The following C8orf34 variants were observed in gnomAD, a reference collection of about 807,000 sequenced individuals.
The protein encoded by C8orf34 is uncharacterized protein C8orf34.
Under a neutral mutation model 68.3 loss-of-function variants are expected in C8orf34, and 65 were observed. That is an observed-to-expected ratio of 0.95 (90% CI 0.78 to 1.17). The LOEUF (loss-of-function observed/expected upper bound fraction) is 1.17, where lower values mean the gene tolerates loss of function less well. Among genes scored for constraint, C8orf34 ranks in the 50% most tolerant of loss-of-function variants. C8orf34 has a pLI of 0.00. For missense variants in C8orf34, 664 were observed against 655.4 expected (o/e 1.01, Z -0.14); for synonymous variants, 244 against 241.2 (o/e 1.01, Z -0.11).
rs111333787 is a variant in C8orf34 at position 68,380,044 on chromosome 8, T to C, written c.327+48705T>C. On this transcript the variant is annotated intron_variant, in intron 1 of 13. Transcript: ENST00000518698. ...CTAATTTTATTTTTTAATTTTTTTG[T>C]AGAGATAGGATCTCCCCGTGTTGCC... 2.5e-3 allele frequency among the ~76,000 whole-genome samples: 375 copies of C among 152,268 alleles called. 1 individual carries two copies. Among genetic ancestry groups the C allele is most frequent in the African/African-American group, 8.6e-3 (358 of 41,548 alleles).
intron 12 of C8orf34, among the ~76,000 whole-genome samples, chr8:68,812,220 T>C (rs552910400): frequency 5.3e-5 from 8 of 152,342 alleles, no homozygotes; most frequent in African/African-American, 1.7e-4. Context: ...AAGGGAGCCA[T>C]ATATGATAAA....
intron 3 of C8orf34, among the ~76,000 whole-genome samples, chr8:68,454,852 C>T (rs1367220686): frequency 6.6e-6 from 1 of 151,810 alleles, no homozygotes; most frequent in Non-Finnish European, 1.5e-5. Flanking sequence ...ATTGATTTGA[C>T]ATCTTTCTTC....
chr8:68,465,948 TAATAAAATAA>T (rs61338754), intron 3 of C8orf34, among the ~76,000 whole-genome samples: 1,724 of 148,372 alleles, frequency 0.012, 32 homozygotes, highest in African/African-American at 0.039. Context: ...ACTTAAAGTA[TAATAAAATAA>T]AATAAAATAA....
intron 8 of C8orf34, among the ~76,000 whole-genome samples, chr8:68,673,939 G>A (rs1820099392): frequency 6.6e-6 from 1 of 152,158 alleles, no homozygotes; most frequent in South Asian, 2.1e-4. Context: ...CACACAGCAA[G>A]CGACTTTGTT....
rs541232180 is a variant in C8orf34 at position 68,382,739 on chromosome 8, C to T, written c.327+51400C>T. On this transcript the variant is annotated intron_variant, in intron 1 of 13. Coordinates refer to ENST00000518698, the MANE Select transcript of C8orf34 (RefSeq NM_052958.4). Reference sequence around the variant, plus strand: ...ACCTGCTCTTTAAAAGTTGAACATTCTCAGGACTCAGTCCTAGATCTCCTC... The same window carrying T: ...ACCTGCTCTTTAAAAGTTGAACATTTTCAGGACTCAGTCCTAGATCTCCTC... Among the ~76,000 whole-genome samples the T allele has an allele frequency of 3.9e-5, 6 of 152,310 alleles. No individual in the cohort carries two copies. In the South Asian group the frequency reaches 6.2e-4, roughly 16 times the overall value.
intron 6 of C8orf34, among the ~76,000 whole-genome samples, chr8:68,532,116 G>A (rs1302574461): frequency 1.1e-4 from 16 of 152,050 alleles, no homozygotes; most frequent in Admixed American, 3.9e-4. Context: ...ACTGAGTGGC[G>A]ACAATGAATC....
intron 10 of C8orf34, among the ~76,000 whole-genome samples, chr8:68,729,896 A>T (rs970107323): frequency 1.3e-5 from 2 of 152,134 alleles, no homozygotes; most frequent in Admixed American, 1.3e-4. Flanking sequence ...TTTCCAATAA[A>T]ACATGTTCCA....
At chr8:68,429,146 G>T (rs1252586472) in intron 1 of C8orf34, among the ~76,000 whole-genome samples, 1 of 152,010 alleles carries the variant, frequency 6.6e-6, no homozygotes, top group Non-Finnish European at 1.5e-5. Flanking sequence ...GAATGAAAAG[G>T]CAATCCCCCC....
At chr8:68,703,166 G>T (rs777949706) in intron 8 of C8orf34, among the ~76,000 whole-genome samples, 1 of 152,134 alleles carries the variant, frequency 6.6e-6, no homozygotes, top group Non-Finnish European at 1.5e-5. Flanking sequence ...TCACGCACAT[G>T]TACTAGGTAC....
At chr8:68,457,542 G>T (rs1811605140) in intron 3 of C8orf34, among the ~76,000 whole-genome samples, 1 of 152,112 alleles carries the variant, frequency 6.6e-6, no homozygotes, top group African/African-American at 2.4e-5. Flanking sequence ...GTTATGTGGA[G>T]GAAACAGTAA....
chr8:68,521,837 T>G lies in C8orf34; in HGVS notation c.804T>G (p.Arg268=), dbSNP rs762581175. ...TTAATTCTTCTCTTCTGAGGCCCCGTGTGATTGGAGAATGGATTGGTAGAG... is the reference window on the plus strand; with the variant it reads ...TTAATTCTTCTCTTCTGAGGCCCCGGGTGATTGGAGAATGGATTGGTAGAG... ...VTFNSSLLRP[R]VIGEWIGREE... is the part of the protein sequence containing the mutation. Residue 268 remains arginine, a synonymous_variant, in exon 6 of 14, where the codon CGT becomes CGG. Transcript: ENST00000518698. 4.3e-6 allele frequency: 7 copies of G among 1,614,002 alleles called. No individual in the cohort carries two copies. Among genetic ancestry groups the G allele is most frequent in the Non-Finnish European group, 5.9e-6 (7 of 1,179,956 alleles).
chr8:68,729,936 A>T (rs180690983), intron 10 of C8orf34, among the ~76,000 whole-genome samples: 5 of 152,298 alleles, frequency 3.3e-5, no homozygotes, highest in Non-Finnish European at 7.4e-5. Flanking sequence ...GTATAATTTT[A>T]TGGTACATAA....
chr8:68,535,819 C>A, intron 7 of C8orf34: 1 of 972,186 alleles, frequency 1.0e-6, no homozygotes, highest in Non-Finnish European at 1.2e-6. Context: ...ATAAAACAGC[C>A]AAACTTGTGA....
intron 1 of C8orf34, among the ~76,000 whole-genome samples, chr8:68,353,989 A>G (rs1411642663): frequency 1.3e-5 from 2 of 152,010 alleles, no homozygotes; most frequent in Non-Finnish European, 2.9e-5. Context: ...AACTGTATAT[A>G]TCAAAACAAG....
intron 1 of C8orf34, among the ~76,000 whole-genome samples, chr8:68,406,218 G>C (rs1586069072): frequency 1.3e-5 from 2 of 152,124 alleles, no homozygotes; most frequent in Non-Finnish European, 2.9e-5. Flanking sequence ...TGGGGGCTTT[G>C]GTTTCAGTAA....
intron 1 of C8orf34, among the ~76,000 whole-genome samples, chr8:68,424,426 CT>C (rs1311580016): frequency 2.6e-5 from 4 of 152,034 alleles, no homozygotes; most frequent in African/African-American, 9.7e-5. Flanking sequence ...AAAAATATCA[CT>C]TATCATACCA....
In C8orf34 at chr8:68,606,461, T is replaced by C. The variant is rs574468868; in HGVS notation, c.1106-33915T>C. Among the ~76,000 whole-genome samples the C allele has an allele frequency of 4.6e-4, 70 of 152,148 alleles. 1 individual carries two copies. In the South Asian group the frequency reaches 6.0e-3, roughly 13 times the overall value. ...TTGGCCCATAACTTACAGAGAGAGGTAATGGAATAAAGGATATTATAATCT... is the reference window on the plus strand; with the variant it reads ...TTGGCCCATAACTTACAGAGAGAGGCAATGGAATAAAGGATATTATAATCT... On this transcript the variant is annotated intron_variant, in intron 7 of 13. Coordinates refer to ENST00000518698, the MANE Select transcript of C8orf34 (RefSeq NM_052958.4).
At chr8:68,679,324 TAATAAAATAA>T (rs535678250) in intron 8 of C8orf34, among the ~76,000 whole-genome samples, 2 of 151,246 alleles carry the variant, frequency 1.3e-5, no homozygotes, top group African/African-American at 2.4e-5. Flanking sequence ...CAAAAGCTAT[TAATAAAATAA>T]AATAAAATAA....
chr8:68,505,057 T>G (rs1813947244), intron 5 of C8orf34, among the ~76,000 whole-genome samples: 1 of 151,962 alleles, frequency 6.6e-6, no homozygotes, highest in Non-Finnish European at 1.5e-5. Context: ...TTAGGTGATC[T>G]GCCTGCCTTG....
Sources: allele counts gnomAD v4.1 joint callset (sites outside exome capture counted in the v4.1 genomes callset), GRCh38; gene constraint gnomAD v4.1.1; transcripts MANE v1.5; gene names NCBI Gene and HGNC (gene_info 2026-07-23, HGNC 2026-07-21).